The following FSTL5 variants were observed in gnomAD, a reference collection of about 807,000 sequenced individuals.
FSTL5 encodes the protein follistatin like 5.
In FSTL5, 62 loss-of-function variants were observed where a neutral mutation model predicts 89.1. That is an observed-to-expected ratio of 0.70 (90% CI 0.57 to 0.86). FSTL5 has a LOEUF of 0.86. Ranked by LOEUF, FSTL5 falls within the 40% of genes least tolerant of loss-of-function variation. The pLI is 0.00. For synonymous variants in FSTL5, 383 were observed against 346.2 expected, an observed-to-expected ratio of 1.11 and a Z score of -1.18; for missense variants, 1,057 against 1,001.6, an observed-to-expected ratio of 1.06 and a Z score of -0.75.
At chr4:162,076,089 G>A (rs74801064) in intron 2 of FSTL5, among the ~76,000 whole-genome samples, 8,404 of 151,830 alleles carry the variant, frequency 0.055, 307 homozygotes, top group Middle Eastern at 0.088. Context: ...AAATAGAAAC[G>A]ATTCTTGGAA....
chr4:162,000,893 G>A (rs1736445040), intron 3 of FSTL5, among the ~76,000 whole-genome samples: 2 of 152,068 alleles, frequency 1.3e-5, no homozygotes, highest in Non-Finnish European at 2.9e-5. Flanking sequence ...AGGGATGGAG[G>A]GAAGAGGGAG....
chr4:161,406,515 T>C (rs1262173057), intron 15 of FSTL5, among the ~76,000 whole-genome samples: 2 of 152,148 alleles, frequency 1.3e-5, no homozygotes. Flanking sequence ...TTTTCTAAAT[T>C]TGTCTGTTAG....
At chr4:161,468,238 G>T (rs979142781) in intron 13 of FSTL5, among the ~76,000 whole-genome samples, 12 of 132,324 alleles carry the variant, frequency 9.1e-5, no homozygotes, top group Admixed American at 3.4e-4. Flanking sequence ...AGGATTAAGT[G>T]CCTACATTTT....
At chr4:161,455,154 C>T (rs770350571) in intron 14 of FSTL5, 26 bp from the exon 15 acceptor site, 2 of 1,555,256 alleles carry the variant, frequency 1.3e-6, no homozygotes, top group Admixed American at 2.1e-5. Context: ...CTTGGTTAGA[C>T]CTCAACAATG....
intron 9 of FSTL5, among the ~76,000 whole-genome samples, chr4:161,538,505 T>C (rs1173970998): frequency 6.6e-6 from 1 of 152,188 alleles, no homozygotes; most frequent in Non-Finnish European, 1.5e-5. Flanking sequence ...GAGAGCCCAA[T>C]ACTCTATATC....
intron 6 of FSTL5, among the ~76,000 whole-genome samples, chr4:161,751,162 C>T (rs1161030789): frequency 6.6e-6 from 1 of 151,776 alleles, no homozygotes; most frequent in East Asian, 1.9e-4. Context: ...GGTAATCTTA[C>T]AAATGGGACA....
At chr4:161,774,652 G>A (rs918723334) in intron 5 of FSTL5, among the ~76,000 whole-genome samples, 1 of 146,762 alleles carries the variant, frequency 6.8e-6, no homozygotes, top group Admixed American at 6.8e-5. Flanking sequence ...CAAAACAATT[G>A]ATAAAAATTA....
chr4:161,800,788 A>G (rs1406303554), intron 4 of FSTL5, among the ~76,000 whole-genome samples: 1 of 151,612 alleles, frequency 6.6e-6, no homozygotes, highest in Non-Finnish European at 1.5e-5. Context: ...TAGTTATAAT[A>G]GAGTGTTCTT....
chr4:161,950,356 T>C (rs1432883162), intron 3 of FSTL5, among the ~76,000 whole-genome samples: 1 of 152,182 alleles, frequency 6.6e-6, no homozygotes, highest in Non-Finnish European at 1.5e-5. Context: ...ATTTAGGTGC[T>C]TTCTTTTTCT....
At chr4:161,435,409 G>T (rs1191462098) in intron 15 of FSTL5, among the ~76,000 whole-genome samples, 1 of 151,992 alleles carries the variant, frequency 6.6e-6, no homozygotes, top group Non-Finnish European at 1.5e-5. Context: ...TAGAATAATG[G>T]TTAACAGAGG....
chr4:161,960,065 C>A (rs1346724170), intron 3 of FSTL5, among the ~76,000 whole-genome samples: 1 of 151,772 alleles, frequency 6.6e-6, no homozygotes, highest in Non-Finnish European at 1.5e-5. Context: ...AAAATAAGTT[C>A]AGAACTTAAC....
chr4:161,557,315 TTTA>T (rs1329111891), intron 8 of FSTL5, among the ~76,000 whole-genome samples: 1 of 151,546 alleles, frequency 6.6e-6, no homozygotes, highest in Non-Finnish European at 1.5e-5. Context: ...TTCCTCATTT[TTTA>T]TTATTAAGTA....
At chr4:162,110,845 A>G (rs1432460353) in intron 2 of FSTL5, among the ~76,000 whole-genome samples, 3 of 151,876 alleles carry the variant, frequency 2.0e-5, no homozygotes, top group Admixed American at 6.6e-5. Flanking sequence ...TTGCTAACCT[A>G]TATATCTGCA....
intron 1 of FSTL5, among the ~76,000 whole-genome samples, chr4:162,128,910 C>G (rs1181023315): frequency 7.0e-6 from 1 of 143,440 alleles, no homozygotes; most frequent in Non-Finnish European, 1.5e-5. Context: ...TAATACCTTA[C>G]TGTTTGAGAC....
chr4:161,932,010 A>T (rs1734298849), intron 3 of FSTL5, among the ~76,000 whole-genome samples: 1 of 151,996 alleles, frequency 6.6e-6, no homozygotes, highest in Non-Finnish European at 1.5e-5. Flanking sequence ...GTAGAGAAGT[A>T]AGGTTACGGG....
chr4:161,806,921 T>C (rs185523177), intron 4 of FSTL5, among the ~76,000 whole-genome samples: 23 of 152,072 alleles, frequency 1.5e-4, no homozygotes, highest in African/African-American at 5.1e-4. Context: ...CATAGATAGA[T>C]AGATAGATGA....
chr4:161,887,946 TA>T (rs1732867261), intron 4 of FSTL5, among the ~76,000 whole-genome samples: 1 of 152,172 alleles, frequency 6.6e-6, no homozygotes, highest in South Asian at 2.1e-4. Context: ...ATTTTCTCTT[TA>T]TCCTTTTTTC....
intron 8 of FSTL5, among the ~76,000 whole-genome samples, chr4:161,551,076 T>A (rs1732194546): frequency 6.6e-6 from 1 of 152,060 alleles, no homozygotes; most frequent in African/African-American, 2.4e-5. Context: ...CAGCATGATT[T>A]ATAGTCCATT....
intron 4 of FSTL5, among the ~76,000 whole-genome samples, chr4:161,821,420 C>A (rs988748697): frequency 3.9e-5 from 6 of 152,042 alleles, no homozygotes; most frequent in African/African-American, 1.2e-4. Flanking sequence ...AAAAAAAGTT[C>A]TTTATTATTA....
Sources: gnomAD v4.1 joint callset for allele counts (sites outside exome capture counted in the v4.1 genomes callset) on GRCh38, gnomAD v4.1.1 for gene constraint, MANE v1.5 for transcripts, NCBI Gene and HGNC (gene_info 2026-07-23, HGNC 2026-07-21) for gene names.